The following SPATA6 variants were observed in gnomAD, a reference collection of about 807,000 sequenced individuals.
SPATA6 encodes the protein spermatogenesis associated 6.
SPATA6 carries 56 observed loss-of-function variants against 65.3 expected under a neutral mutation model. The observed-to-expected ratio is 0.86, with a 90% CI of 0.69 to 1.07. SPATA6 has a LOEUF of 1.07. SPATA6 is among the 50% of genes least tolerant of loss of function. The probability of loss-of-function intolerance (pLI) is 0.00; values close to 1 mark genes in which losing one functional copy is unlikely to be tolerated. For missense variants in SPATA6, 590 were observed against 594.8 expected (o/e 0.99, Z 0.08); for synonymous variants, 199 against 213.2 (o/e 0.93, Z 0.58).
chr1:48,304,968 A>C (rs1291177316), intron 12 of SPATA6, among the ~76,000 whole-genome samples: 2 of 152,090 alleles, frequency 1.3e-5, no homozygotes, highest in East Asian at 3.8e-4. Flanking sequence ...TTCACCTTCA[A>C]ATTTACCTAT....
At chr1:48,372,515 T>C (rs1302772478) in intron 9 of SPATA6, among the ~76,000 whole-genome samples, 3 of 152,212 alleles carry the variant, frequency 2.0e-5, no homozygotes, top group Non-Finnish European at 2.9e-5. Context: ...GCTGGCATTG[T>C]GTCTGTGGCT....
At chr1:48,377,645 T>A (rs1648069174) in intron 9 of SPATA6, among the ~76,000 whole-genome samples, 1 of 152,252 alleles carries the variant, frequency 6.6e-6, no homozygotes, top group African/African-American at 2.4e-5. Context: ...CTTCCTTCAC[T>A]ACCATGAAAT....
At chr1:48,459,454 TATA>T (rs903748322) in intron 1 of SPATA6, among the ~76,000 whole-genome samples, 35 of 152,078 alleles carry the variant, frequency 2.3e-4, no homozygotes, top group African/African-American at 8.2e-4. Context: ...TTAAATTAAA[TATA>T]ATAGCATCTA....
chr1:48,289,580 G>A, the SPATA6 span, among the ~76,000 whole-genome samples: 484 of 152,242 alleles, frequency 3.2e-3, 2 homozygotes, highest in African/African-American at 0.011. Context: ...CAAACCCATC[G>A]CAAAGAAGCT....
At chr1:48,359,815 A>C in intron 9 of SPATA6, 45 bp from the exon 10 acceptor site, 1 of 1,443,208 alleles carries the variant, frequency 6.9e-7, no homozygotes, top group Non-Finnish European at 9.4e-7. Flanking sequence ...ATACAGATAC[A>C]TATGTATATA....
At chr1:48,367,007 G>A (rs369266284) in intron 9 of SPATA6, among the ~76,000 whole-genome samples, 4 of 151,358 alleles carry the variant, frequency 2.6e-5, no homozygotes, top group South Asian at 2.1e-4. Flanking sequence ...CTTTGTTCTC[G>A]TTGGTTTCAA....
At chr1:48,371,270 T>G (rs1338313) in intron 9 of SPATA6, among the ~76,000 whole-genome samples, 10,114 of 131,816 alleles carry the variant, frequency 0.077, 552 homozygotes, top group East Asian at 0.16. Flanking sequence ...TATGTATCTA[T>G]ATAGATAGAT....
chr1:48,414,529 C>T (rs1322066033), intron 3 of SPATA6, among the ~76,000 whole-genome samples: 3 of 152,280 alleles, frequency 2.0e-5, no homozygotes, highest in Admixed American at 2.0e-4. Context: ...TACCCAACTA[C>T]AGCCATATCT....
At chr1:48,372,087 C>T (rs771827662) in intron 9 of SPATA6, among the ~76,000 whole-genome samples, 3 of 152,074 alleles carry the variant, frequency 2.0e-5, no homozygotes, top group Non-Finnish European at 4.4e-5. Flanking sequence ...ATATCATGTC[C>T]TCACATTTCA....
intron 11 of SPATA6, among the ~76,000 whole-genome samples, chr1:48,345,307 A>G (rs1456055353): frequency 6.6e-6 from 1 of 152,192 alleles, no homozygotes; most frequent in Non-Finnish European, 1.5e-5. Context: ...GAACAAAGAT[A>G]CAACATATCA....
chr1:48,355,682 T>G lies in SPATA6; in HGVS notation c.1182A>C (p.Gln394His). 2 of 1,610,882 alleles carry G rather than the reference T, an allele frequency of 1.2e-6. No individual in the cohort carries two copies. Among genetic ancestry groups the G allele is most frequent in the Non-Finnish European group, 1.7e-6 (2 of 1,178,228 alleles). ...KNVLKSHQAH[Q>H]RHLYDERDLE... The stretch of plus-strand genomic sequence containing the variant: ...TTTAGAAACTAACATATAAATGTCT[T>G]TGATGAGCCTGATGTGATTTCAAGA... Residue 394 changes from glutamine to histidine, a missense_variant, in exon 11 of 13, where the codon CAA becomes CAC. Physicochemically the swap from Gln to His is conservative, Grantham distance 24. Coordinates refer to ENST00000371847, the MANE Select transcript of SPATA6 (RefSeq NM_019073.4).
At chr1:48,418,684 C>T (rs903333245) in intron 3 of SPATA6, among the ~76,000 whole-genome samples, 8 of 150,122 alleles carry the variant, frequency 5.3e-5, no homozygotes, top group African/African-American at 1.5e-4. Flanking sequence ...AGACTGCCAC[C>T]GCACTCCAGC....
intron 11 of SPATA6, among the ~76,000 whole-genome samples, chr1:48,316,663 A>G (rs1332055549): frequency 2.0e-5 from 3 of 152,226 alleles, no homozygotes; most frequent in African/African-American, 7.2e-5. Flanking sequence ...AGTGGCAACA[A>G]AAGCCAAAAT....
At chr1:48,279,132 G>C in the SPATA6 span, among the ~76,000 whole-genome samples, 4 of 152,280 alleles carry the variant, frequency 2.6e-5, no homozygotes, top group South Asian at 8.3e-4. Flanking sequence ...AGCAAATGCT[G>C]AGAGATTTTG....
intron 11 of SPATA6, among the ~76,000 whole-genome samples, chr1:48,317,083 C>G (rs1234437583): frequency 6.6e-6 from 1 of 152,194 alleles, no homozygotes; most frequent in Non-Finnish European, 1.5e-5. Context: ...GTTGGTGGGA[C>G]TGTAAACTAG....
intron 5 of SPATA6, among the ~76,000 whole-genome samples, chr1:48,409,022 C>A (rs1004401049): frequency 6.6e-6 from 1 of 152,200 alleles, no homozygotes; most frequent in African/African-American, 2.4e-5. Flanking sequence ...GCCTTCCCAA[C>A]AGTCCCCCAA....
At chr1:48,439,465 T>A (rs963265683) in intron 3 of SPATA6, among the ~76,000 whole-genome samples, 4 of 151,900 alleles carry the variant, frequency 2.6e-5, no homozygotes, top group Non-Finnish European at 5.9e-5. Context: ...CCATTGCAGG[T>A]TCTTGGGCAA....
chr1:48,393,455 A>C (rs193080885), intron 8 of SPATA6, among the ~76,000 whole-genome samples: 39 of 152,296 alleles, frequency 2.6e-4, no homozygotes, highest in African/African-American at 8.9e-4. Flanking sequence ...ATATTAAAGA[A>C]AACAAAAGAG....
At chr1:48,277,099 C>CTTTT in the SPATA6 span, among the ~76,000 whole-genome samples, 62 of 126,436 alleles carry the variant, frequency 4.9e-4, no homozygotes, top group Admixed American at 2.5e-3. Context: ...TTGTTTTTTG[C>CTTTT]TTTTTTTTTT....
Sources: allele counts gnomAD v4.1 joint callset (sites outside exome capture counted in the v4.1 genomes callset), GRCh38; gene constraint gnomAD v4.1.1; transcripts MANE v1.5; gene names NCBI Gene and HGNC (gene_info 2026-07-23, HGNC 2026-07-21).